The following NBPF11 variants were observed in gnomAD, a reference collection of about 807,000 sequenced individuals.
NBPF11 encodes the protein NBPF family member NBPF11.
In NBPF11, 72 loss-of-function variants were observed where a neutral mutation model predicts 93.9. The ratio of observed to expected loss-of-function variants is 0.77; its 90% confidence interval spans 0.63 to 0.93. The LOEUF is 0.93. Ranked by LOEUF, NBPF11 falls within the 40% of genes least tolerant of loss-of-function variation. NBPF11 has a pLI of 0.00. For missense variants in NBPF11, 705 were observed against 802.2 expected (o/e 0.88, Z 1.46); for synonymous variants, 224 against 304.9 (o/e 0.73, Z 2.76).
At chr1:148,125,640 G>A (rs1431771374) in intron 5 of NBPF11, among the ~76,000 whole-genome samples, 9 of 152,040 alleles carry the variant, frequency 5.9e-5, no homozygotes, top group Non-Finnish European at 1.0e-4. Flanking sequence ...ATTAGTTTGT[G>A]TTAATTTAGA....
At position 148,105,505 on chromosome 1, in the gene NBPF11, A is replaced by T; in HGVS notation, c.2327T>A (p.Val776Glu). 9.9e-7 allele frequency: 1 copy of T among 1,013,016 alleles called. No individual in the cohort carries two copies. The highest frequency in any genetic ancestry group is 1.5e-6 in the Non-Finnish European group (1 of 671,452). The allele number at this position is 1,013,016 out of a possible 1,614,324, so 62.8% of individuals were successfully genotyped here. Residue 776 changes from valine to glutamate, a missense_variant, in exon 22 of 24, where the codon GTA (valine) becomes GAA (glutamate). Physicochemically the swap from Val to Glu is moderately radical, Grantham distance 121. Transcript: ENST00000682118. ...CPRLSRELLE[V>E]VEPEVLQDSL... The stretch of plus-strand genomic sequence containing the variant: ...GTCCTGCAAGACTTCAGGCTCTACT[A>T]CCTCCAGCAGCTCCCTGCTGAGCCT...
In NBPF11 at chr1:148,104,529, A is replaced by G. The variant is rs1663059151; in HGVS notation, c.2581+8T>C. 1.7e-6 allele frequency: 1 copy of G among 599,630 alleles called. No homozygotes were observed. Among genetic ancestry groups the G allele is most frequent in the Non-Finnish European group, 2.9e-6 (1 of 342,224 alleles). The allele number at this position is 599,630 out of a possible 1,614,324, so 37.1% of individuals were successfully genotyped here. ...CAGAATTAAGCATCCACAATTGCTGAAAGTTACCTGGGGCATGGTGGGTTT... is the reference window on the plus strand; with the variant it reads ...CAGAATTAAGCATCCACAATTGCTGGAAGTTACCTGGGGCATGGTGGGTTT... On this transcript the variant is annotated splice_region_variant and intron_variant, in intron 23 of 23. Transcript: ENST00000682118.
rs1192465400 is a variant in NBPF11 at position 148,147,597 on chromosome 1, C to T, written c.-548-3911G>A. Among the ~76,000 whole-genome samples the T allele has an allele frequency of 3.9e-3, 590 of 152,102 alleles. 8 individuals are homozygous for T. Among genetic ancestry groups the T allele is most frequent in the African/African-American group, 0.014 (562 of 41,382 alleles). ...CTTTTCCTGCTCGCCATCCACTGGG[C>T]CTGTCTCGTCCTGGCCCTGCCCAGC... On this transcript the variant is annotated intron_variant, in intron 1 of 23. Coordinates refer to ENST00000682118, the MANE Select transcript of NBPF11 (RefSeq NM_001385469.3).
Position 148,103,774 on chromosome 1 carries a change from C to T in NBPF11, c.*122G>A. 3 of 1,611,890 alleles carry T rather than the reference C, an allele frequency of 1.9e-6. No individual in the cohort carries two copies. In the South Asian group the frequency reaches 3.3e-5, roughly 18 times the overall value. On this transcript the variant is annotated 3_prime_UTR_variant, in exon 24 of 24. Transcript: ENST00000682118. ...CAAGGGCAAAGCTGATGTGCTGTTC[C>T]TCAAATGAGTAAAACACACTTCTGT... is the stretch of plus-strand genomic sequence containing the variant.
intron 1 of NBPF11, chr1:148,146,306 G>A: frequency 2.9e-6 from 4 of 1,357,896 alleles, no homozygotes; most frequent in Non-Finnish European, 3.8e-6. Flanking sequence ...CCCGCGACTC[G>A]GAGCACCCCA....
chr1:148,103,545 G>C lies in NBPF11; in HGVS notation c.*351C>G. The C allele has an allele frequency of 5.2e-6, 8 of 1,546,430 alleles. No individual in the cohort carries two copies. The highest frequency in any genetic ancestry group is 1.2e-5 in the South Asian group (1 of 83,418). ...CTGGCATGCTCTGAGAATAGGAATA[G>C]AGCCATGCCCACTGACCCATCCTAT... is the stretch of plus-strand genomic sequence containing the variant. On this transcript the variant is annotated 3_prime_UTR_variant, in exon 24 of 24. Coordinates refer to ENST00000682118, the MANE Select transcript of NBPF11 (RefSeq NM_001385469.3).
chr1:148,109,065 A>C (rs2149184271), intron 17 of NBPF11, among the ~76,000 whole-genome samples: 1 of 151,436 alleles, frequency 6.6e-6, no homozygotes, highest in East Asian at 1.9e-4. Context: ...ACAGCTTTTG[A>C]GGTATGGTCA....
intron 23 of NBPF11, 61 bp from the exon 24 acceptor site, chr1:148,103,973 C>A: frequency 1.2e-6 from 2 of 1,609,498 alleles, no homozygotes; most frequent in South Asian, 2.2e-5. Flanking sequence ...CAGAGCCCCA[C>A]TAGATTTCAG....
intron 4 of NBPF11, among the ~76,000 whole-genome samples, chr1:148,134,009 G>A (rs1670860944): frequency 6.6e-6 from 1 of 151,958 alleles, no homozygotes; most frequent in African/African-American, 2.4e-5. Context: ...CAAGTCCCAC[G>A]GCCTGTCCTC....
chr1:148,111,067 A>G (rs1406766198), intron 15 of NBPF11, among the ~76,000 whole-genome samples: 2 of 151,874 alleles, frequency 1.3e-5, no homozygotes, highest in African/African-American at 4.9e-5. Flanking sequence ...CTGGATTTAA[A>G]CACATGGGAG....
intron 7 of NBPF11, among the ~76,000 whole-genome samples, 185 bp downstream of exon 7, chr1:148,123,668 C>T (rs1223723884): frequency 1.3e-5 from 2 of 151,956 alleles, no homozygotes; most frequent in Admixed American, 6.5e-5. Context: ...ACTTGCAATA[C>T]TGTGACCTCC....
At chr1:148,148,387 G>T (rs1482631095) in intron 1 of NBPF11, among the ~76,000 whole-genome samples, 1 of 152,160 alleles carries the variant, frequency 6.6e-6, no homozygotes, top group Admixed American at 6.5e-5. Flanking sequence ...GGTGGCAGGT[G>T]GGTCCCGCGT....
At chr1:148,142,903 T>C (rs1672428100) in intron 2 of NBPF11, among the ~76,000 whole-genome samples, 1 of 152,276 alleles carries the variant, frequency 6.6e-6, no homozygotes, top group Non-Finnish European at 1.5e-5. Flanking sequence ...CCCATTATAC[T>C]GGCAACTGAG....
chr1:148,109,314 T>C lies in NBPF11; in HGVS notation c.1823A>G (p.Lys608Arg). Residue 608 changes from lysine to arginine, a missense_variant, in exon 17 of 24, where the codon AAA becomes AGA. Physicochemically the swap from Lys to Arg is conservative, Grantham distance 26. Around this residue, in one of 12 missense-constraint regions of NBPF11, gnomAD observed 8 missense variants for 24.7 expected, o/e 0.32. Transcript: ENST00000682118. Reference protein sequence around the residue: ...DIGRHRWDQVKKEDQEATGPR... With the variant: ...DIGRHRWDQVRKEDQEATGPR... ...ACCTGTTGCCTCTTGGTCCTCCTTT[T>C]TCACTTGATCCCACCGATGTCCTGC... 1 of 1,080,922 alleles carries C rather than the reference T, an allele frequency of 9.3e-7. No homozygotes were observed. The highest frequency in any genetic ancestry group is 1.4e-6 in the Non-Finnish European group (1 of 708,086). 67.0% of individuals were successfully genotyped at this position (1,080,922 alleles called of 1,614,324 possible).
At chr1:148,111,232 A>C (rs1665183591) in intron 15 of NBPF11, among the ~76,000 whole-genome samples, 2 of 152,140 alleles carry the variant, frequency 1.3e-5, no homozygotes, top group South Asian at 4.1e-4. Context: ...CATCCACCCC[A>C]AAACCCCATC....
chr1:148,146,051 G>T (rs1672952110), intron 1 of NBPF11, among the ~76,000 whole-genome samples: 1 of 152,050 alleles, frequency 6.6e-6, no homozygotes, highest in Non-Finnish European at 1.5e-5. Context: ...ATGAAAACTG[G>T]ATAAAAAGAT....
At chr1:148,125,702 T>C (rs1298264667) in intron 5 of NBPF11, among the ~76,000 whole-genome samples, 1 of 152,010 alleles carries the variant, frequency 6.6e-6, no homozygotes, top group African/African-American at 2.4e-5. Context: ...CCAATTAATG[T>C]TCAAGGAGAT....
chr1:148,120,548 A>C lies in NBPF11; in HGVS notation c.941T>G (p.Phe314Cys). 3 of 1,107,080 alleles carry C rather than the reference A, an allele frequency of 2.7e-6. No individual in the cohort carries two copies. The highest frequency in any genetic ancestry group is 4.2e-6 in the Non-Finnish European group (3 of 717,788). The allele number at this position is 1,107,080 out of a possible 1,614,324, so 68.6% of individuals were successfully genotyped here. A position where few individuals can be genotyped will look rare whatever the true frequency, so the allele number is the denominator to read the frequency against. ...CAGGAAGCAGGCCACTTGAGTTACA[A>C]AACATTTCTCTTTGAGGCTTCTGAA... ...QQFRSLKEKC[F>C]VTQVACFLAK... The change falls in exon 10 of 24, where the codon TTT (phenylalanine) becomes TGT (cysteine). Residue 314 changes from phenylalanine to cysteine, a missense_variant. Physicochemically the swap from Phe to Cys is radical, Grantham distance 205. Around this residue, in one of 12 missense-constraint regions of NBPF11, gnomAD observed 262 missense variants for 223.1 expected, o/e 1.17. Transcript: ENST00000682118.
rs1662848989 is a variant in NBPF11 at position 148,103,807 on chromosome 1, G to A, written c.*89C>T. The A allele has an allele frequency of 5.6e-6, 9 of 1,611,856 alleles. No homozygotes were observed. The highest frequency in any genetic ancestry group is 7.6e-6 in the Non-Finnish European group (9 of 1,179,462). ...AGTAAAACACACTTCTGTAGTGCTGGAATGAGTCAGGTAGTTCAAAGTACA... is the reference window on the plus strand; with the variant it reads ...AGTAAAACACACTTCTGTAGTGCTGAAATGAGTCAGGTAGTTCAAAGTACA... On this transcript the variant is annotated 3_prime_UTR_variant, in exon 24 of 24. Coordinates refer to ENST00000682118, the MANE Select transcript of NBPF11 (RefSeq NM_001385469.3).
Sources: gnomAD v4.1 joint callset for allele counts (sites outside exome capture counted in the v4.1 genomes callset) on GRCh38, gnomAD v4.1.1 for gene constraint, gnomAD v4.1.1 regional missense constraint, MANE v1.5 for transcripts, NCBI Gene and HGNC (gene_info 2026-07-23, HGNC 2026-07-21) for gene names.